TXLNG: variants seen among roughly 807,000 people sequenced by gnomAD.
TXLNG encodes gamma-taxilin.
Under a neutral mutation model 38.8 loss-of-function variants are expected in TXLNG, and 5 were observed. The ratio of observed to expected loss-of-function variants is 0.13; its 90% CI spans 0.07 to 0.27. The LOEUF (loss-of-function observed/expected upper bound fraction) is 0.27, where lower values mean the gene tolerates loss of function less well. Among genes scored for constraint, TXLNG ranks in the 10% least tolerant of loss-of-function variants. TXLNG has a pLI of 1.00. For synonymous variants in TXLNG, 182 were observed against 158.2 expected (o/e 1.15, Z -1.13); for missense variants, 393 against 398.2 (o/e 0.99, Z 0.11).
At chrX:16,798,218 G>A (rs1227489040) in intron 1 of TXLNG, among the ~76,000 whole-genome samples, 1 of 112,183 alleles carries the variant, frequency 8.9e-6, no homozygotes, top group Non-Finnish European at 1.9e-5. Flanking sequence ...GTACGTTTTG[G>A]TATACTATAT....
In TXLNG at chrX:16,843,243, C is replaced by G. The variant is rs1169400492; in HGVS notation, c.*1477C>G. The G allele has an allele frequency of 8.9e-6, 1 of 112,188 alleles. No individual in the cohort carries two copies. The highest frequency in any genetic ancestry group is 1.9e-5 in the Non-Finnish European group (1 of 53,250). 9.2% of individuals were successfully genotyped at this position (112,188 alleles called of 1,213,427 possible). A position where few individuals can be genotyped will look rare whatever the true frequency, so the allele number is the denominator to read the frequency against. On this transcript the variant is annotated 3_prime_UTR_variant, in exon 10 of 10. Transcript: ENST00000380122. ...AGTTAAAAGGGTTTTCTCTTTGTTACAAGTGTTATTTGTAAAGTCCTGTCA... is the reference window on the plus strand; with the variant it reads ...AGTTAAAAGGGTTTTCTCTTTGTTAGAAGTGTTATTTGTAAAGTCCTGTCA...
chrX:16,812,215 G>A (rs1268632417), intron 1 of TXLNG, among the ~76,000 whole-genome samples: 1 of 105,535 alleles, frequency 9.5e-6, no homozygotes, highest in Admixed American at 1.0e-4. Context: ...CATCACATTG[G>A]CCAGGCTGGT....
At chrX:16,837,055 C>T (rs753590810) in intron 7 of TXLNG, among the ~76,000 whole-genome samples, 1 of 111,728 alleles carries the variant, frequency 9.0e-6, no homozygotes, top group South Asian at 3.7e-4. Context: ...ATTTTTCCCT[C>T]ATCCTTAAAT....
intron 1 of TXLNG, among the ~76,000 whole-genome samples, chrX:16,814,513 G>A (rs1010963273): frequency 2.7e-5 from 3 of 112,143 alleles, no homozygotes; most frequent in Non-Finnish European, 5.6e-5. Flanking sequence ...TACTTGGGAG[G>A]CTGAGGCAGG....
rs964748853 is a variant in TXLNG at position 16,843,831 on chromosome X, G to A, written c.*2065G>A. On this transcript the variant is annotated 3_prime_UTR_variant, in exon 10 of 10. Transcript: ENST00000380122. ...TGCTATTATAGTGTTGAAAGGATAT[G>A]GATTCTGTCTGGGATGCATTTGTTG... The A allele has an allele frequency of 1.8e-5, 2 of 111,589 alleles. No individual in the cohort carries two copies. The highest frequency in any genetic ancestry group is 1.9e-4 in the Admixed American group (2 of 10,502). 9.2% of individuals were successfully genotyped at this position (111,589 alleles called of 1,213,427 possible).
In TXLNG at chrX:16,839,758, C is replaced by T. The variant is rs774167530; in HGVS notation, c.1153-63C>T. The T allele has an allele frequency of 7.6e-5, 64 of 846,623 alleles. No homozygotes were observed. In the African/African-American group the frequency reaches 1.2e-3, roughly 16 times the overall value. 69.8% of individuals were successfully genotyped at this position (846,623 alleles called of 1,213,427 possible). ...AGGGGCACAGAAACATTTTTGTGTA[C>T]TGGGACAGGGAGTAGAGATAAGGAA... On this transcript the variant is annotated intron_variant, in intron 8 of 9. Coordinates refer to ENST00000380122, the MANE Select transcript of TXLNG (RefSeq NM_018360.3).
rs1264775626 is a variant in TXLNG at position 16,839,762 on chromosome X, G to A, written c.1153-59G>A. 3.4e-6 allele frequency: 3 copies of A among 877,481 alleles called. No individual in the cohort carries two copies. The African/African-American group carries it at 6.0e-5, about 18-fold the overall frequency. The allele number at this position is 877,481 out of a possible 1,213,427, so 72.3% of individuals were successfully genotyped here. On this transcript the variant is annotated intron_variant, in intron 8 of 9. Coordinates refer to ENST00000380122, the MANE Select transcript of TXLNG (RefSeq NM_018360.3). ...GCACAGAAACATTTTTGTGTACTGG[G>A]ACAGGGAGTAGAGATAAGGAAGGGA...
chrX:16,793,784 C>T (rs1210803299), intron 1 of TXLNG, among the ~76,000 whole-genome samples: 1 of 109,638 alleles, frequency 9.1e-6, no homozygotes, highest in Non-Finnish European at 1.9e-5. Flanking sequence ...GCTAGGACTA[C>T]AGGTGTGTGT....
At position 16,828,074 on chromosome X, in the gene TXLNG, A is replaced by T. The variant is rs774707325; in HGVS notation, c.499-20A>T. The T allele has an allele frequency of 9.3e-6, 11 of 1,178,828 alleles. No homozygotes were observed. The East Asian group carries it at 3.0e-4, about 32-fold the overall frequency. ...GATTTTTACTGTACTTCCTAAATAC[A>T]AAGTGCTTATGAATTTTAGCTGGAG... On this transcript the variant is annotated intron_variant, in intron 3 of 9. Transcript: ENST00000380122.
At chrX:16,821,015 C>T (rs1317597299) in intron 3 of TXLNG, among the ~76,000 whole-genome samples, 4 of 110,268 alleles carry the variant, frequency 3.6e-5, no homozygotes, top group African/African-American at 9.9e-5. Flanking sequence ...GTGATCTGCC[C>T]GCCTCGGCCT....
intron 1 of TXLNG, 91 bp downstream of exon 1, chrX:16,786,680 C>T (rs1213715034): frequency 2.7e-5 from 17 of 622,937 alleles, no homozygotes; most frequent in Non-Finnish European, 3.7e-5. Flanking sequence ...TCCCTGGTTA[C>T]CTATAGCCAC....
intron 4 of TXLNG, 67 bp downstream of exon 4, chrX:16,828,331 C>T: frequency 6.8e-6 from 7 of 1,033,852 alleles, no homozygotes; most frequent in Non-Finnish European, 9.1e-6. Context: ...AACCCTGTGC[C>T]TATCTGAAAT....
chrX:16,815,252 G>A (rs770307565), intron 1 of TXLNG, among the ~76,000 whole-genome samples: 4 of 107,555 alleles, frequency 3.7e-5, no homozygotes, highest in Non-Finnish European at 7.7e-5. Context: ...CTAGGCTCAC[G>A]GCAACCTCCG....
At chrX:16,793,809 C>T (rs1228893020) in intron 1 of TXLNG, among the ~76,000 whole-genome samples, 1 of 109,447 alleles carries the variant, frequency 9.1e-6, no homozygotes, top group African/African-American at 3.3e-5. Context: ...CCATGTCTGG[C>T]TGTTTTTTTT....
At chrX:16,803,127 C>G (rs1039893760) in intron 1 of TXLNG, 1 of 111,100 alleles carries the variant, frequency 9.0e-6, no homozygotes, top group African/African-American at 3.3e-5. Flanking sequence ...CTGCTACTTT[C>G]TTTGGTTGTC....
chrX:16,797,637 T>G (rs1243587124), intron 1 of TXLNG, among the ~76,000 whole-genome samples: 1 of 112,299 alleles, frequency 8.9e-6, no homozygotes, highest in African/African-American at 3.2e-5. Flanking sequence ...GGCAGCTGCT[T>G]CATCAGAGTG....
intron 1 of TXLNG, among the ~76,000 whole-genome samples, chrX:16,811,389 T>G (rs374241182): frequency 2.7e-5 from 3 of 111,126 alleles, no homozygotes; most frequent in African/African-American, 9.8e-5. Flanking sequence ...GAGTTTTCCC[T>G]CTTGTCGCCC....
intron 5 of TXLNG, among the ~76,000 whole-genome samples, chrX:16,830,883 GTGTA>G (rs1185945379): frequency 4.4e-5 from 4 of 90,828 alleles, no homozygotes; most frequent in African/African-American, 1.1e-4. Context: ...GTGTGTGTGT[GTGTA>G]TAGAGACAGT....
At chrX:16,790,424 A>G (rs970691777) in intron 1 of TXLNG, among the ~76,000 whole-genome samples, 1 of 107,774 alleles carries the variant, frequency 9.3e-6, no homozygotes, top group African/African-American at 3.4e-5. Context: ...CTGGTCTTGA[A>G]CTCCTAGGCT....
Sources: gnomAD v4.1 joint callset for allele counts (sites outside exome capture counted in the v4.1 genomes callset) on GRCh38, gnomAD v4.1.1 for gene constraint, MANE v1.5 for transcripts, NCBI Gene and HGNC (gene_info 2026-07-23, HGNC 2026-07-21) for gene names.